Variants in CDH4 observed in about 807,000 individuals in gnomAD.
The protein encoded by CDH4 is cadherin 4.
Under a neutral mutation model 86.0 loss-of-function variants are expected in CDH4, and 33 were observed. The observed-to-expected ratio is 0.38, with a 90% CI of 0.29 to 0.51. The LOEUF (loss-of-function observed/expected upper bound fraction) is 0.51. Among genes scored for constraint, CDH4 ranks in the 20% least tolerant of loss-of-function variants. CDH4 has a pLI of 0.86. For synonymous variants in CDH4, 555 were observed against 549.4 expected, an observed-to-expected ratio of 1.01 and a Z score of -0.14; for missense variants, 1,114 against 1,307.4, an observed-to-expected ratio of 0.85 and a Z score of 2.28.
At chr20:61,260,751 G>C (rs961604442) in intron 2 of CDH4, among the ~76,000 whole-genome samples, 1 of 152,196 alleles carries the variant, frequency 6.6e-6, no homozygotes, top group East Asian at 1.9e-4. Flanking sequence ...CCATCTCTGG[G>C]GGTGGTCCTT....
chr20:61,505,635 TG>T (rs891313719), intron 2 of CDH4, among the ~76,000 whole-genome samples: 2 of 151,914 alleles, frequency 1.3e-5, no homozygotes, highest in African/African-American at 4.8e-5. Context: ...GACATGGTCA[TG>T]GCCGTTTTTA....
chr20:61,461,521 G>C (rs2085442325), intron 2 of CDH4, among the ~76,000 whole-genome samples: 1 of 152,214 alleles, frequency 6.6e-6, no homozygotes, highest in Admixed American at 6.5e-5. Context: ...TTCTGAATGA[G>C]TGGGTTCAAG....
At chr20:61,894,220 G>C (rs1399377086) in intron 7 of CDH4, among the ~76,000 whole-genome samples, 1 of 152,150 alleles carries the variant, frequency 6.6e-6, no homozygotes, top group Non-Finnish European at 1.5e-5. Context: ...TGCCAGCTCA[G>C]GGATTTTGGC....
intron 2 of CDH4, among the ~76,000 whole-genome samples, chr20:61,667,080 C>G (rs11699722): frequency 6.6e-6 from 1 of 152,226 alleles, no homozygotes; most frequent in Non-Finnish European, 1.5e-5. Flanking sequence ...TAAGCTGCAC[C>G]CAGGGTCCCT....
intron 2 of CDH4, among the ~76,000 whole-genome samples, chr20:61,292,625 A>G (rs2084329051): frequency 6.6e-6 from 1 of 152,242 alleles, no homozygotes; most frequent in Non-Finnish European, 1.5e-5. Flanking sequence ...AGGACGGCCC[A>G]GCCCCAGCTG....
At chr20:61,803,554 T>C (rs1979950944) in intron 4 of CDH4, among the ~76,000 whole-genome samples, 1 of 152,124 alleles carries the variant, frequency 6.6e-6, no homozygotes, top group Non-Finnish European at 1.5e-5. Flanking sequence ...ATGGAATCCA[T>C]CCAAATTAGG....
chr20:61,462,604 C>A (rs2085450230), intron 2 of CDH4, among the ~76,000 whole-genome samples: 1 of 150,224 alleles, frequency 6.7e-6, no homozygotes, highest in Non-Finnish European at 1.5e-5. Context: ...CCCTCAGCCC[C>A]CTTTGTGCTC....
At chr20:61,933,544 G>A (rs576934924) in intron 14 of CDH4, among the ~76,000 whole-genome samples, 3 of 152,308 alleles carry the variant, frequency 2.0e-5, no homozygotes, top group South Asian at 2.1e-4. Flanking sequence ...GTCTACCCTT[G>A]GCCTTTCAGG....
Position 61,470,085 on chromosome 20 carries a change from G to A in CDH4, c.169+215148G>A, listed in dbSNP as rs111984317. On this transcript the variant is annotated intron_variant, in intron 2 of 15. Coordinates refer to ENST00000614565, the MANE Select transcript of CDH4 (RefSeq NM_001794.5). ...TATACATTTTAGGATTATTTTTTCT[G>A]TTTCTGTGAAGAATGTCATTGGTAT... 6.9e-3 allele frequency among the ~76,000 whole-genome samples: 1,044 copies of A among 151,990 alleles called. 11 individuals are homozygous for A. Among genetic ancestry groups the A allele is most frequent in the African/African-American group, 0.024 (988 of 41,472 alleles).
intron 2 of CDH4, among the ~76,000 whole-genome samples, chr20:61,700,403 T>C (rs2087762392): frequency 1.3e-5 from 2 of 152,214 alleles, no homozygotes; most frequent in Non-Finnish European, 2.9e-5. Flanking sequence ...GGGCTTATAT[T>C]AGACTCTTGG....
intron 2 of CDH4, among the ~76,000 whole-genome samples, chr20:61,697,753 A>G (rs73915336): frequency 0.016 from 2,420 of 152,192 alleles, 71 homozygotes; most frequent in African/African-American, 0.051. Flanking sequence ...ACGTCTCCCC[A>G]GAGGGGTGTC....
intron 2 of CDH4, among the ~76,000 whole-genome samples, chr20:61,490,085 A>G (rs907483089): frequency 6.6e-6 from 1 of 152,228 alleles, no homozygotes; most frequent in African/African-American, 2.4e-5. Context: ...TCAAAAAAGA[A>G]AATCAAATGG....
chr20:61,258,449 T>G (rs568796100), intron 2 of CDH4, among the ~76,000 whole-genome samples: 1 of 152,026 alleles, frequency 6.6e-6, no homozygotes, highest in Non-Finnish European at 1.5e-5. Context: ...GACCATCTTG[T>G]GTACCCTCGT....
rs575690582 is a variant in CDH4, at chr20:61,294,165, G to A, written c.169+39228G>A. Among the ~76,000 whole-genome samples, 10 of 152,284 alleles carry A rather than the reference G, an allele frequency of 6.6e-5. No individual in the cohort carries two copies. The East Asian group carries it at 7.7e-4, about 12-fold the overall frequency. On this transcript the variant is annotated intron_variant, in intron 2 of 15. Transcript: ENST00000614565. ...CAGACTGGCCGGGCCAGCCACCCCC[G>A]CACTCCCTGATCCTGCCGGCATCAT... is the stretch of plus-strand genomic sequence containing the variant.
intron 2 of CDH4, among the ~76,000 whole-genome samples, chr20:61,397,771 A>C (rs1199174911): frequency 1.3e-5 from 2 of 152,202 alleles, no homozygotes; most frequent in Non-Finnish European, 2.9e-5. Flanking sequence ...ACATACATGC[A>C]TACCTTAGGA....
chr20:61,456,049 A>AGGAAGGAAAGAGAGAGGGATGGAG (rs1461344666), intron 2 of CDH4, among the ~76,000 whole-genome samples: 1 of 151,942 alleles, frequency 6.6e-6, no homozygotes, highest in Non-Finnish European at 1.5e-5. Flanking sequence ...GAAGAAAGGA[A>AGGAAGGAAAGAGAGAGGGATGGAG]GGAAGGAAAG....
intron 2 of CDH4, among the ~76,000 whole-genome samples, chr20:61,658,435 G>C (rs111463365): frequency 0.017 from 2,597 of 152,306 alleles, 31 homozygotes; most frequent in Non-Finnish European, 0.025. Context: ...AGGTGCCCAG[G>C]CACCTCAGAG....
At chr20:61,696,730 C>T (rs2145879398) in intron 2 of CDH4, among the ~76,000 whole-genome samples, 1 of 152,294 alleles carries the variant, frequency 6.6e-6, no homozygotes. Flanking sequence ...GGAGAGTGGG[C>T]TGAATGGAGG....
At chr20:61,280,582 A>G (rs2084253400) in intron 2 of CDH4, among the ~76,000 whole-genome samples, 1 of 152,236 alleles carries the variant, frequency 6.6e-6, no homozygotes. Context: ...GCTGTGAAAA[A>G]TACTGTGTTT....
Sources: allele counts gnomAD v4.1 joint callset (sites outside exome capture counted in the v4.1 genomes callset), GRCh38; gene constraint gnomAD v4.1.1; transcripts MANE v1.5; gene names NCBI Gene and HGNC (gene_info 2026-07-23, HGNC 2026-07-21).